MGMT: variants seen among roughly 807,000 people sequenced by gnomAD.
The protein encoded by MGMT is O-6-methylguanine-DNA methyltransferase.
Under a neutral mutation model 15.9 loss-of-function variants are expected in MGMT, and 14 were observed. The observed-to-expected ratio is 0.88, with a 90% CI of 0.58 to 1.37. MGMT has a LOEUF of 1.37. Among genes scored for constraint, MGMT ranks in the 40% most tolerant of loss-of-function variants. The pLI is 0.00. For synonymous variants in MGMT, 130 were observed against 118.2 expected (o/e 1.10, Z -0.65); for missense variants, 282 against 268.1 (o/e 1.05, Z -0.36).
At chr10:129,707,844 T>G in intron 2 of MGMT, 51 bp from the exon 3 acceptor site, 1 of 1,605,814 alleles carries the variant, frequency 6.2e-7, no homozygotes, top group Non-Finnish European at 8.5e-7. Flanking sequence ...TTTTCCGATG[T>G]GTGGAGGCAG....
chr10:129,577,845 A>C (rs973688274), intron 2 of MGMT, among the ~76,000 whole-genome samples: 2 of 152,184 alleles, frequency 1.3e-5, no homozygotes, highest in African/African-American at 2.4e-5. Context: ...TACAAGAAAA[A>C]AACAACCCCA....
intron 3 of MGMT, chr10:129,717,619 C>T (rs549791034): frequency 6.6e-6 from 1 of 152,230 alleles, no homozygotes; most frequent in South Asian, 2.1e-4. Flanking sequence ...TAGAGTGCTT[C>T]CCTGCAGCAG....
At chr10:129,512,055 C>T (rs1257083078) in intron 1 of MGMT, among the ~76,000 whole-genome samples, 1 of 152,146 alleles carries the variant, frequency 6.6e-6, no homozygotes, top group Non-Finnish European at 1.5e-5. Context: ...GCAGTGAATT[C>T]AATTTGCTAA....
chr10:129,761,680 C>G (rs551012219), intron 4 of MGMT, among the ~76,000 whole-genome samples: 7 of 152,324 alleles, frequency 4.6e-5, no homozygotes, highest in African/African-American at 1.4e-4. Context: ...ACATCGGCAC[C>G]CTGTCCCATG....
At chr10:129,737,902 T>C (rs1447446197) in intron 3 of MGMT, among the ~76,000 whole-genome samples, 1 of 152,208 alleles carries the variant, frequency 6.6e-6, no homozygotes, top group Non-Finnish European at 1.5e-5. Flanking sequence ...GAGGAGGCAG[T>C]CTGCCCGTTC....
intron 1 of MGMT, among the ~76,000 whole-genome samples, chr10:129,518,484 C>T (rs1248632183): frequency 7.2e-6 from 1 of 139,022 alleles, no homozygotes; most frequent in Admixed American, 7.1e-5. Flanking sequence ...CCCTCCTCCC[C>T]TCCCTTCCCC....
chr10:129,743,526 A>G (rs59648203), intron 3 of MGMT, among the ~76,000 whole-genome samples: 37,650 of 152,032 alleles, frequency 0.25, 5,288 homozygotes, highest in Admixed American at 0.36. Context: ...TCACCAACTC[A>G]GTCTGTCCCT....
chr10:129,712,660 G>C (rs1314523433), intron 3 of MGMT, among the ~76,000 whole-genome samples: 1 of 152,180 alleles, frequency 6.6e-6, no homozygotes, highest in Non-Finnish European at 1.5e-5. Flanking sequence ...GGTGCTTCTA[G>C]TGAGGACTGC....
chr10:129,582,665 C>T (rs1202091267), intron 2 of MGMT, among the ~76,000 whole-genome samples: 1 of 151,428 alleles, frequency 6.6e-6, no homozygotes, highest in East Asian at 2.0e-4. Flanking sequence ...TAGGATAAAA[C>T]CATTTTTCTG....
chr10:129,657,710 C>CACACAA (rs1847545242), intron 2 of MGMT, among the ~76,000 whole-genome samples: 1 of 149,890 alleles, frequency 6.7e-6, no homozygotes, highest in Admixed American at 6.7e-5. Context: ...CACACACGCA[C>CACACAA]ACACACACAC....
At chr10:129,561,295 G>A (rs1846275249) in intron 2 of MGMT, among the ~76,000 whole-genome samples, 1 of 152,154 alleles carries the variant, frequency 6.6e-6, no homozygotes, top group Admixed American at 6.5e-5. Flanking sequence ...GTGGGTGCGG[G>A]CAGCGACAGG....
chr10:129,701,160 A>T (rs768497324), intron 2 of MGMT: 4 of 152,246 alleles, frequency 2.6e-5, no homozygotes, highest in Non-Finnish European at 4.4e-5. Flanking sequence ...TCACAGCCTC[A>T]TGGAAGCCTT....
In MGMT at chr10:129,767,654, ATG is replaced by A. The variant is rs1848954906; in HGVS notation, c.*658_*659del. ...AGAGAGCTCTCTGGACACGGGTTCG[ATG>A]GAGCTTGCACCTCTCTGAGAGCTGA... On this transcript the variant is annotated 3_prime_UTR_variant, in exon 5 of 5. Coordinates refer to ENST00000651593, the MANE Select transcript of MGMT (RefSeq NM_002412.5). The A allele has an allele frequency of 6.6e-6, 1 of 152,290 alleles. No homozygotes were observed. Among genetic ancestry groups the A allele is most frequent in the African/African-American group, 2.4e-5 (1 of 41,456 alleles). 9.4% of individuals were successfully genotyped at this position (152,290 alleles called of 1,614,324 possible). A position where few individuals can be genotyped will look rare whatever the true frequency, so the allele number is the denominator to read the frequency against.
Position 129,760,351 on chromosome 10 carries a change from G to A in MGMT, c.414+1010G>A, listed in dbSNP as rs555541244. On this transcript the variant is annotated intron_variant, in intron 4 of 4. Coordinates refer to ENST00000651593, the MANE Select transcript of MGMT (RefSeq NM_002412.5). ...TGGAATATTCACCCAGTGATGGTGT[G>A]TGGTCACGTTGGCAGTGTCTTCTCC... 7.2e-5 allele frequency among the ~76,000 whole-genome samples: 11 copies of A among 152,354 alleles called. No homozygotes were observed. The South Asian group carries it at 2.1e-3, about 29-fold the overall frequency.
chr10:129,765,181 AC>A (rs1463908887), intron 4 of MGMT, among the ~76,000 whole-genome samples: 2 of 151,114 alleles, frequency 1.3e-5, no homozygotes, highest in African/African-American at 4.9e-5. Flanking sequence ...GTGGCTGCCC[AC>A]CCATACACCT....
intron 2 of MGMT, among the ~76,000 whole-genome samples, chr10:129,560,241 G>C (rs747724495): frequency 1.3e-5 from 2 of 152,188 alleles, no homozygotes. Flanking sequence ...TTGAATATAT[G>C]TTGAGATCAT....
At chr10:129,591,875 G>A (rs1846690762) in intron 2 of MGMT, among the ~76,000 whole-genome samples, 1 of 152,186 alleles carries the variant, frequency 6.6e-6, no homozygotes, top group Non-Finnish European at 1.5e-5. Flanking sequence ...AGATCACAGT[G>A]AGCCGAGATG....
intron 2 of MGMT, among the ~76,000 whole-genome samples, chr10:129,678,175 G>A (rs1322612632): frequency 1.3e-5 from 2 of 152,160 alleles, no homozygotes; most frequent in Non-Finnish European, 2.9e-5. Flanking sequence ...ATTTCAAGCT[G>A]GAGAGAGAAA....
Position 129,467,295 on chromosome 10 carries a change from TG to T in MGMT, c.-13+1del, listed in dbSNP as rs1275476125. 1.3e-6 allele frequency: 2 copies of T among 1,540,576 alleles called. No individual in the cohort carries two copies. The highest frequency in any genetic ancestry group is 2.0e-5 in the Admixed American group (1 of 49,692). On this transcript the variant is annotated splice_region_variant and 5_prime_UTR_variant, in exon 1 of 5. Coordinates refer to ENST00000651593, the MANE Select transcript of MGMT (RefSeq NM_002412.5). Reference sequence around the variant, plus strand: ...CTCGCGGTGCGCACCGTTTGCGACTTGGTGAGTGTCTGGGTCGCCTCGCTCC... The same window carrying T: ...CTCGCGGTGCGCACCGTTTGCGACTTGTGAGTGTCTGGGTCGCCTCGCTCC...
Sources: gnomAD v4.1 joint callset for allele counts (sites outside exome capture counted in the v4.1 genomes callset) on GRCh38, gnomAD v4.1.1 for gene constraint, MANE v1.5 for transcripts, NCBI Gene and HGNC (gene_info 2026-07-23, HGNC 2026-07-21) for gene names.